The following STAB1 variants were observed in gnomAD, a reference collection of about 807,000 sequenced individuals.
The protein encoded by STAB1 is stabilin-1.
Under a neutral mutation model 332.4 loss-of-function variants are expected in STAB1, and 250 were observed. That is an observed-to-expected ratio of 0.75 (90% CI 0.68 to 0.84). The LOEUF is 0.84. Ranked by LOEUF, STAB1 falls within the 40% of genes least tolerant of loss-of-function variation. The pLI is 0.00. For missense variants in STAB1, 3,249 were observed against 3,489.7 expected (o/e 0.93, Z 1.74); for synonymous variants, 1,475 against 1,390.4 (o/e 1.06, Z -1.35).
chr3:52,501,209 A>G lies in STAB1; in HGVS notation c.122A>G (p.His41Arg). ...GCDVKTTFVT[H>R]VPCTSCAAIK... is the part of the protein sequence containing the mutation. ...GATGTGAAAACCACGTTTGTCACTC[A>G]TGTACCCTGCACCTCGTGCGCGGCC... The change falls in exon 2 of 69, where the codon CAT becomes CGT. Residue 41 changes from histidine (H) to arginine (R), a missense_variant. Coordinates refer to ENST00000321725, the MANE Select transcript of STAB1 (RefSeq NM_015136.3). 1 of 1,613,766 alleles carries G rather than the reference A, an allele frequency of 6.2e-7. No individual in the cohort carries two copies. The highest frequency in any genetic ancestry group is 8.5e-7 in the Non-Finnish European group (1 of 1,180,010).
chr3:52,519,878 C>T (rs916922720), intron 50 of STAB1, 66 bp from the exon 51 acceptor site: 1 of 1,504,050 alleles, frequency 6.6e-7, no homozygotes, highest in African/African-American at 1.4e-5. Context: ...GTGGCACAGC[C>T]CCCTGCCTTT....
At chr3:52,496,926 G>T (rs1317054637) in intron 1 of STAB1, among the ~76,000 whole-genome samples, 1 of 152,180 alleles carries the variant, frequency 6.6e-6, no homozygotes, top group African/African-American at 2.4e-5. Flanking sequence ...CTGTATCTGT[G>T]CACCCTGTAC....
chr3:52,503,000 G>A lies in STAB1; in HGVS notation c.585G>A (p.Glu195=), dbSNP rs747009883. The change falls in exon 7 of 69, where the codon GAG becomes GAA. Residue 195 remains glutamate (E), a splice_region_variant and synonymous_variant. Transcript: ENST00000321725. ...AGYTGPHCDQ[E]LPVCQELRCP... ...CAGTGCTCTCTCCACTCTGCGCAGA[G>A]CTGCCCGTCTGCCAGGAGCTGCGCT... The A allele has an allele frequency of 6.3e-7, 1 of 1,575,862 alleles. No homozygotes were observed. Among genetic ancestry groups the A allele is most frequent in the Non-Finnish European group, 8.6e-7 (1 of 1,161,694 alleles).
In STAB1 at chr3:52,498,012, G is replaced by C. The variant is rs558628668; in HGVS notation, c.78+2521G>C. On this transcript the variant is annotated intron_variant, in intron 1 of 68. Transcript: ENST00000321725. The stretch of plus-strand genomic sequence containing the variant: ...CAGTGGAGCCTGTGGCGGGAGAGGA[G>C]CACGGTCCAGAACCCAGCCCTGCAC... 5.9e-5 allele frequency among the ~76,000 whole-genome samples: 9 copies of C among 152,258 alleles called. No individual in the cohort carries two copies. In the East Asian group the frequency reaches 1.7e-3, roughly 29 times the overall value.
chr3:52,524,354 T>A lies in STAB1; in HGVS notation c.7711T>A (p.Ter2571ArgextTer5). 1 of 1,613,748 alleles carries A rather than the reference T, an allele frequency of 6.2e-7. No homozygotes were observed. The highest frequency in any genetic ancestry group is 8.5e-7 in the Non-Finnish European group (1 of 1,179,996). Residue 2571 changes from the stop codon to arginine (R), a stop_lost, in exon 69 of 69, where the codon TGA (stop) becomes AGA (arginine). Transcript: ENST00000321725. Reference protein sequence around the residue: ...PDTQRILTVK* With the variant: ...PDTQRILTVKR ...CACCCAGAGGATCCTCACAGTCAAGTGACGAGGCTGGGGCTGAAAGCAGAA... is the reference window on the plus strand; with the variant it reads ...CACCCAGAGGATCCTCACAGTCAAGAGACGAGGCTGGGGCTGAAAGCAGAA...
chr3:52,505,960 C>T (rs373601104), intron 16 of STAB1, 24 bp downstream of exon 16: 48 of 1,612,680 alleles, frequency 3.0e-5, no homozygotes, highest in Middle Eastern at 1.6e-4. Context: ...TTCTGGGGGG[C>T]GGCCAGCTTG....
At chr3:52,520,331 CA>C (rs756815743) in intron 52 of STAB1, 41 bp downstream of exon 52, 1 of 1,612,942 alleles carries the variant, frequency 6.2e-7, no homozygotes, top group South Asian at 1.1e-5. Context: ...GAGTAGGAGG[CA>C]GGGGCCCTGG....
At chr3:52,502,587 C>T (rs1708532081) in intron 5 of STAB1, 45 bp from the exon 6 acceptor site, 2 of 1,548,040 alleles carry the variant, frequency 1.3e-6, no homozygotes, top group East Asian at 2.3e-5. Flanking sequence ...CAGTGTGTGC[C>T]TGGGAGAGGC....
intron 45 of STAB1, 129 bp from the exon 46 acceptor site, chr3:52,518,183 C>T (rs1391437789): frequency 2.0e-6 from 3 of 1,516,056 alleles, no homozygotes; most frequent in African/African-American, 1.4e-5. Context: ...GCCCTGACCC[C>T]AACTCAGACC....
Position 52,515,490 on chromosome 3 carries a change from G to A in STAB1, c.3932G>A (p.Cys1311Tyr), listed in dbSNP as rs199756002. ...TTCTCCCGGGGCTGCTCTTACACAT[G>A]TGCCAAGAAGATCCAGGTTTGCCCT... ...FSFSRGCSYT[C>Y]AKKIQVPDCC... Residue 1311 changes from cysteine to tyrosine, a missense_variant, in exon 37 of 69, where the codon TGT becomes TAT. Physicochemically the swap from Cys to Tyr is radical, Grantham distance 194. Transcript: ENST00000321725. The A allele has an allele frequency of 3.1e-6, 5 of 1,613,314 alleles. No homozygotes were observed. The highest frequency in any genetic ancestry group is 4.2e-6 in the Non-Finnish European group (5 of 1,180,026).
intron 1 of STAB1, among the ~76,000 whole-genome samples, chr3:52,498,240 A>G (rs1218552031): frequency 6.6e-6 from 1 of 152,134 alleles, no homozygotes; most frequent in East Asian, 1.9e-4. Context: ...GGAAGCAGAC[A>G]TTGCAAAATC....
At position 52,521,442 on chromosome 3, in the gene STAB1, G is replaced by A. The variant is rs771655405; in HGVS notation, c.5990G>A (p.Cys1997Tyr). 1 of 1,614,054 alleles carries A rather than the reference G, an allele frequency of 6.2e-7. No individual in the cohort carries two copies. The highest frequency in any genetic ancestry group is 1.1e-5 in the South Asian group (1 of 91,084). The change falls in exon 56 of 69, where the codon TGC becomes TAC. Residue 1997 changes from cysteine (C) to tyrosine (Y), a missense_variant. Physicochemically the swap from Cys to Tyr is radical, Grantham distance 194. Transcript: ENST00000321725. ...DGMSGSGQCLCRSGFAGTACE... is the reference protein window; with the variant it reads ...DGMSGSGQCLYRSGFAGTACE... ...ATGAGTGGCAGTGGGCAGTGTCTGT[G>A]CCGTTCAGGTTTTGCTGGGACAGCC...
At position 52,502,019 on chromosome 3, in the gene STAB1, C is replaced by T. The variant is rs757735631; in HGVS notation, c.345C>T (p.Gly115=). Residue 115 remains glycine, a synonymous_variant, in exon 4 of 69, where the codon GGC becomes GGT. Transcript: ENST00000321725. The part of the protein sequence containing the change: ...WGSRCHECPG[G]AETPCNGHGT... The stretch of plus-strand genomic sequence containing the variant: ...GGGGGTCCACAGAATGCCCTGGGGG[C>T]GCTGAGACCCCATGCAATGGCCACG... 3.0e-5 allele frequency: 48 copies of T among 1,612,442 alleles called. No homozygotes were observed. The highest frequency in any genetic ancestry group is 5.5e-5 in the South Asian group (5 of 91,048).
At position 52,508,023 on chromosome 3, in the gene STAB1, C is replaced by A; in HGVS notation, c.2145C>A (p.Ile715=). The A allele has an allele frequency of 6.2e-7, 1 of 1,613,254 alleles. No individual in the cohort carries two copies. ...KGCASYCNQT[I]MEQGCCKGFF... ...GTGCCAGCTACTGCAACCAAACCAT[C>A]ATGGTAAGCGTGGGCATGGGTGCCC... Residue 715 remains isoleucine (I), a synonymous_variant, in exon 20 of 69, where the codon ATC becomes ATA. Coordinates refer to ENST00000321725, the MANE Select transcript of STAB1 (RefSeq NM_015136.3).
In STAB1 at chr3:52,509,270, G is replaced by A. The variant is rs753428945; in HGVS notation, c.2296G>A (p.Ala766Thr). The A allele has an allele frequency of 9.3e-6, 15 of 1,612,450 alleles. No homozygotes were observed. Among genetic ancestry groups the A allele is most frequent in the South Asian group, 8.8e-5 (8 of 91,086 alleles). Residue 766 changes from alanine (A) to threonine (T), a missense_variant, in exon 22 of 69, where the codon GCC becomes ACC. Physicochemically the swap from Ala to Thr is moderately conservative, Grantham distance 58. Coordinates refer to ENST00000321725, the MANE Select transcript of STAB1 (RefSeq NM_015136.3). The part of the protein sequence containing the change: ...CLCFPDYKGI[A>T]CHICSNPNKH... ...CTGCTTCCCAGACTACAAGGGCATC[G>A]CCTGCCACATCTGCTCGAACCCAAA...
In STAB1 at chr3:52,503,403, A is replaced by G. The variant is rs553345011; in HGVS notation, c.754A>G (p.Lys252Glu). 1,437 of 1,613,580 alleles carry G rather than the reference A, an allele frequency of 8.9e-4. 28 individuals carry two copies. In the South Asian group the frequency reaches 0.015, roughly 17 times the overall value. The change falls in exon 8 of 69, where the codon AAG becomes GAG. Residue 252 changes from lysine to glutamate, a missense_variant. Transcript: ENST00000321725. ...GCTGGCCCAGTGCTCGGTGAGCCCC[A>G]AGGGGCAGGCTCAGTGTCACTGCCC... ...SLLAQCSVSP[K>E]GQAQCHCPEN...
chr3:52,521,395 C>T lies in STAB1; in HGVS notation c.5943C>T (p.Asp1981=). ...GCGGCCCCAGCAGCCCTTGTAGTGA[C>T]CGTGGCGTGTGCATGGACGGCATGA... The part of the protein sequence containing the change: ...CPGGPSSPCS[D]RGVCMDGMSG... Residue 1981 remains aspartate, a synonymous_variant, in exon 56 of 69, where the codon GAC becomes GAT. Coordinates refer to ENST00000321725, the MANE Select transcript of STAB1 (RefSeq NM_015136.3). The T allele has an allele frequency of 6.2e-7, 1 of 1,614,010 alleles. No homozygotes were observed. Among genetic ancestry groups the T allele is most frequent in the Non-Finnish European group, 8.5e-7 (1 of 1,180,012 alleles).
At chr3:52,511,972 G>A (rs1205946204) in intron 26 of STAB1, among the ~76,000 whole-genome samples, 3 of 152,052 alleles carry the variant, frequency 2.0e-5, no homozygotes, top group East Asian at 1.9e-4. Context: ...CCTTGGCTAC[G>A]CTGAGCTCCT....
chr3:52,521,024 G>A lies in STAB1; in HGVS notation c.5908+19G>A, dbSNP rs373488372. The A allele has an allele frequency of 7.0e-5, 106 of 1,519,554 alleles. No homozygotes were observed. In the African/African-American group the frequency reaches 1.2e-3, roughly 18 times the overall value. The allele number at this position is 1,519,554 out of a possible 1,614,324, so 94.1% of individuals were successfully genotyped here. A position where few individuals can be genotyped will look rare whatever the true frequency, so the allele number is the denominator to read the frequency against. On this transcript the variant is annotated intron_variant, in intron 55 of 68. Coordinates refer to ENST00000321725, the MANE Select transcript of STAB1 (RefSeq NM_015136.3). ...TGCCAAGGTGAGCATTGCAGACACTGTTGACTAGCTCCTCTGTTCCCCAAG... is the reference window on the plus strand; with the variant it reads ...TGCCAAGGTGAGCATTGCAGACACTATTGACTAGCTCCTCTGTTCCCCAAG...
Sources: gnomAD v4.1 joint callset for allele counts (sites outside exome capture counted in the v4.1 genomes callset) on GRCh38, gnomAD v4.1.1 for gene constraint, MANE v1.5 for transcripts, NCBI Gene and HGNC (gene_info 2026-07-23, HGNC 2026-07-21) for gene names.